Variants in RLF observed in about 807,000 individuals in gnomAD.
RLF encodes the protein RLF zinc finger.
Under a neutral mutation model 162.9 loss-of-function variants are expected in RLF, and 7 were observed. The observed-to-expected ratio is 0.04, with a 90% CI of 0.02 to 0.08. The LOEUF (loss-of-function observed/expected upper bound fraction) is 0.08, where lower values mean the gene tolerates loss of function less well. Ranked by LOEUF, RLF falls within the 10% of genes least tolerant of loss-of-function variation. The pLI, the probability that RLF is intolerant of heterozygous loss-of-function variation, is 1.00. For missense variants in RLF, 1,664 were observed against 2,244.7 expected, an observed-to-expected ratio of 0.74 and a Z score of 5.23; for synonymous variants, 782 against 791.5, an observed-to-expected ratio of 0.99 and a Z score of 0.20.
chr1:40,180,328 G>T (rs555739483), intron 1 of RLF, among the ~76,000 whole-genome samples: 3 of 152,100 alleles, frequency 2.0e-5, no homozygotes, highest in Middle Eastern at 6.8e-3. Context: ...ACATGATCTT[G>T]ACTCATTGTA....
intron 1 of RLF, among the ~76,000 whole-genome samples, chr1:40,185,066 T>C (rs1200249956): frequency 6.6e-6 from 1 of 151,874 alleles, no homozygotes; most frequent in African/African-American, 2.4e-5. Flanking sequence ...AGAGACCCTG[T>C]CCCTACAAAA....
intron 4 of RLF, among the ~76,000 whole-genome samples, chr1:40,196,975 T>C (rs1209372832): frequency 6.6e-6 from 1 of 152,210 alleles, no homozygotes; most frequent in African/African-American, 2.4e-5. Flanking sequence ...GTTAAGTACA[T>C]TTTTTGCTAT....
At chr1:40,224,469 G>C (rs1206001545) in intron 6 of RLF, among the ~76,000 whole-genome samples, 1 of 150,288 alleles carries the variant, frequency 6.7e-6, no homozygotes, top group Non-Finnish European at 1.5e-5. Flanking sequence ...TAGAGACTGG[G>C]TTTCACCATG....
intron 5 of RLF, among the ~76,000 whole-genome samples, chr1:40,206,236 T>G (rs1642790961): frequency 6.6e-6 from 1 of 152,212 alleles, no homozygotes; most frequent in Non-Finnish European, 1.5e-5. Context: ...CTTTATATAC[T>G]TTGCTACATT....
chr1:40,178,627 T>TTTTG (rs1642361792), intron 1 of RLF, among the ~76,000 whole-genome samples: 3 of 134,976 alleles, frequency 2.2e-5, no homozygotes, highest in South Asian at 2.1e-4. Context: ...GTGTTTTTTT[T>TTTTG]TTTTGTTTTT....
chr1:40,215,989 A>G (rs1570550960), intron 5 of RLF, among the ~76,000 whole-genome samples: 2 of 152,248 alleles, frequency 1.3e-5, no homozygotes, highest in South Asian at 4.1e-4. Flanking sequence ...GAAAAGTAAT[A>G]AAGTTCTTTG....
At position 40,236,598 on chromosome 1, in the gene RLF, C is replaced by T. The variant is rs1275647826; in HGVS notation, c.1896C>T (p.Ser632=). The T allele has an allele frequency of 1.9e-6, 3 of 1,613,950 alleles. No homozygotes were observed. The African/African-American group carries it at 4.0e-5, about 22-fold the overall frequency. ...CTCAAAAGGGTATTTGTCCTAAGAG[C>T]CCCTCTGCAATCCCAGAGCAAAACC... ...KGSQKGICPK[S]PSAIPEQNHS... Residue 632 remains serine, a synonymous_variant, in exon 8 of 8, where the codon AGC becomes AGT. Transcript: ENST00000372771. This position sits in a 1 kb window ranked among gnomAD's most constrained non-coding sequence, Gnocchi z 7.7.
chr1:40,216,714 A>G (rs187629894), intron 5 of RLF, among the ~76,000 whole-genome samples: 1 of 152,306 alleles, frequency 6.6e-6, no homozygotes. Context: ...CTATGAAGCC[A>G]GTATTACTTT....
intron 5 of RLF, among the ~76,000 whole-genome samples, chr1:40,207,685 A>C (rs1056820304): frequency 6.6e-6 from 1 of 152,102 alleles, no homozygotes; most frequent in Non-Finnish European, 1.5e-5. Context: ...ATCTCGGCTC[A>C]CTGCAGCCTC....
rs1359360851 is a variant in RLF at position 40,236,197 on chromosome 1, A to C, written c.1495A>C (p.Met499Leu). 6.2e-7 allele frequency: 1 copy of C among 1,613,946 alleles called. No homozygotes were observed. The highest frequency in any genetic ancestry group is 1.7e-5 in the Admixed American group (1 of 59,984). ...DSDDDLSGYE[M>L]SINDTDVLES... ...TGATGATGATTTAAGTGGCTATGAA[A>C]TGTCCATTAATGACACAGATGTTTT... is the stretch of plus-strand genomic sequence containing the variant. The change falls in exon 8 of 8, where the codon ATG becomes CTG. Residue 499 changes from methionine (M) to leucine (L), a missense_variant. By Grantham distance (15) the Met-to-Leu change is conservative. This residue lies in a region of RLF where 54 missense variants were observed against 71.7 expected (regional missense o/e 0.75). Transcript: ENST00000372771. This position sits in a 1 kb window ranked among gnomAD's most constrained non-coding sequence, Gnocchi z 7.7.
At chr1:40,189,322 A>G in intron 2 of RLF, 113 bp downstream of exon 2, 1 of 780,162 alleles carries the variant, frequency 1.3e-6, no homozygotes. Context: ...CATTAGAGTC[A>G]TACCATTGAA....
At chr1:40,188,928 A>T in intron 1 of RLF, 127 bp from the exon 2 acceptor site, 1 of 541,962 alleles carries the variant, frequency 1.8e-6, no homozygotes, top group Non-Finnish European at 3.2e-6. Context: ...CCAGAGCCTT[A>T]AAAGGCAAAT....
intron 5 of RLF, among the ~76,000 whole-genome samples, chr1:40,206,193 G>A (rs1371721540): frequency 1.3e-5 from 2 of 151,866 alleles, no homozygotes; most frequent in Non-Finnish European, 2.9e-5. Flanking sequence ...GTTTTTTTTA[G>A]TCCTCACTAT....
At chr1:40,182,390 C>T (rs894945602) in intron 1 of RLF, among the ~76,000 whole-genome samples, 4 of 151,886 alleles carry the variant, frequency 2.6e-5, no homozygotes, top group Admixed American at 6.6e-5. Flanking sequence ...GCGCAGATTG[C>T]GCCACTGCAC....
chr1:40,223,317 C>A (rs1248548435), intron 6 of RLF, among the ~76,000 whole-genome samples: 1 of 152,150 alleles, frequency 6.6e-6, no homozygotes, highest in South Asian at 2.1e-4. Flanking sequence ...AAACCTGATA[C>A]ACAGGAAACC....
At chr1:40,232,814 C>T (rs1027432506) in intron 7 of RLF, among the ~76,000 whole-genome samples, 2 of 152,164 alleles carry the variant, frequency 1.3e-5, no homozygotes, top group Non-Finnish European at 2.9e-5. Context: ...AAGCAATCCT[C>T]CCGTCTCAGC....
chr1:40,185,517 TAAAAAAAAAAA>T (rs769379758), intron 1 of RLF, among the ~76,000 whole-genome samples: 3 of 23,738 alleles, frequency 1.3e-4, no homozygotes, highest in African/African-American at 3.1e-4. Flanking sequence ...AATCTTGCAT[TAAAAAAAAAAA>T]AAAAAAAAAA....
intron 1 of RLF, among the ~76,000 whole-genome samples, chr1:40,169,486 G>C (rs1357126505): frequency 5.6e-4 from 85 of 150,662 alleles, no homozygotes; most frequent in African/African-American, 2.0e-3. Flanking sequence ...CGCGGTGGCG[G>C]GCGCCTGTGG....
At chr1:40,168,184 C>T (rs1461361984) in intron 1 of RLF, among the ~76,000 whole-genome samples, 1 of 152,108 alleles carries the variant, frequency 6.6e-6, no homozygotes, top group Admixed American at 6.6e-5. Context: ...CACTGTACTC[C>T]AGCTTGGGCA....
Sources: gnomAD v4.1 joint callset for allele counts (sites outside exome capture counted in the v4.1 genomes callset) on GRCh38, gnomAD v4.1.1 for gene constraint, gnomAD v4.1.1 regional missense constraint, Gnocchi (gnomAD v3.1) non-coding constraint, MANE v1.5 for transcripts, NCBI Gene and HGNC (gene_info 2026-07-23, HGNC 2026-07-21) for gene names.